The following NFIX variants were observed in gnomAD, a reference collection of about 807,000 sequenced individuals.
NFIX encodes the protein nuclear factor 1 X-type.
A neutral mutation model predicts 53.3 loss-of-function variants in NFIX; 2 were observed. The observed-to-expected ratio is 0.04, with a 90% CI of 0.02 to 0.12. The LOEUF is 0.12. NFIX is among the 10% of genes least tolerant of loss of function. NFIX has a pLI of 1.00. For missense variants in NFIX, 310 were observed against 674.5 expected, an observed-to-expected ratio of 0.46 and a Z score of 5.99; for synonymous variants, 244 against 289.0, an observed-to-expected ratio of 0.84 and a Z score of 1.58.
chr19:13,091,399 T>C (rs1012367925), intron 10 of NFIX, among the ~76,000 whole-genome samples: 654 of 44,732 alleles, frequency 0.015, no homozygotes, highest in Middle Eastern at 0.028. Flanking sequence ...TTTCCTTCCC[T>C]CAAAAAAAAA....
intron 2 of NFIX, among the ~76,000 whole-genome samples, chr19:13,044,591 A>C (rs10418716): frequency 0.11 from 15,958 of 151,904 alleles, 1,604 homozygotes; most frequent in African/African-American, 0.26. Context: ...CAGGTATGTA[A>C]CCCCTGGGCC....
At position 13,038,787 on chromosome 19, in the gene NFIX, CA is replaced by C. The variant is rs1568281935; in HGVS notation, c.559+13236del. Among the ~76,000 whole-genome samples, 5 of 152,264 alleles carry C rather than the reference CA, an allele frequency of 3.3e-5. No individual in the cohort carries two copies. In the South Asian group the frequency reaches 1.0e-3, roughly 32 times the overall value. ...TCGGACAGGGCCCACAGATGAAGGC[CA>C]GGATGGTGGTGGTGGCGCAGTGGTC... On this transcript the variant is annotated intron_variant, in intron 2 of 10. Coordinates refer to ENST00000592199, the MANE Select transcript of NFIX (RefSeq NM_001365902.3).
rs1055763856 is a variant in NFIX at position 13,082,030 on chromosome 19, G to A, written c.1254+175G>A. On this transcript the variant is annotated intron_variant, in intron 8 of 10. Transcript: ENST00000592199. Reference sequence around the variant, plus strand: ...TCTGGGTCTGGGGACGGGGGTCTGTGTATTATGCCAGGGCTTGTCTATCAT... The same window carrying A: ...TCTGGGTCTGGGGACGGGGGTCTGTATATTATGCCAGGGCTTGTCTATCAT... 4.4e-6 allele frequency: 3 copies of A among 681,756 alleles called. No homozygotes were observed. In the African/African-American group the frequency reaches 5.4e-5, roughly 12 times the overall value. The allele number at this position is 681,756 out of a possible 1,614,324, so 42.2% of individuals were successfully genotyped here.
Position 13,097,784 on chromosome 19 carries a change from G to GT in NFIX, c.*3135_*3136insT, listed in dbSNP as rs1009097358. 2 of 151,064 alleles carry GT rather than the reference G, an allele frequency of 1.3e-5. No individual in the cohort carries two copies. Among genetic ancestry groups the GT allele is most frequent in the Admixed American group, 1.3e-4 (2 of 15,160 alleles). 9.4% of individuals were successfully genotyped at this position (151,064 alleles called of 1,614,324 possible). The stretch of plus-strand genomic sequence containing the variant: ...TTGACCCTCACCAGCATTATCAGGA[G>GT]CGCGCTCAGCAAGTTGGTAGTTTCC... On this transcript the variant is annotated 3_prime_UTR_variant, in exon 11 of 11. Coordinates refer to ENST00000592199, the MANE Select transcript of NFIX (RefSeq NM_001365902.3).
intron 1 of NFIX, among the ~76,000 whole-genome samples, chr19:13,019,766 A>G (rs1404615709): frequency 2.0e-5 from 3 of 150,114 alleles, no homozygotes; most frequent in Non-Finnish European, 4.4e-5. Context: ...GTACTCAACA[A>G]TAAAAGACAG....
intron 2 of NFIX, among the ~76,000 whole-genome samples, chr19:13,039,421 C>G (rs2014459329): frequency 6.6e-6 from 1 of 152,180 alleles, no homozygotes. Context: ...GGCAAGGCCT[C>G]TTGAATTGTG....
Position 13,025,158 on chromosome 19 carries a change from G to A in NFIX, c.165G>A (p.Ala55=). 2 of 1,614,248 alleles carry A rather than the reference G, an allele frequency of 1.2e-6. No individual in the cohort carries two copies. The highest frequency in any genetic ancestry group is 1.7e-6 in the Non-Finnish European group (2 of 1,180,054). ...EKRMSKDEER[A]VKDELLGEKP... ...GGATGTCGAAGGACGAGGAGCGGGC[G>A]GTGAAGGACGAGCTGCTGGGCGAGA... The change falls in exon 2 of 11, where the codon GCG becomes GCA. Residue 55 remains alanine (A), a synonymous_variant. Coordinates refer to ENST00000592199, the MANE Select transcript of NFIX (RefSeq NM_001365902.3). This position sits in a 1 kb window ranked among gnomAD's most constrained non-coding sequence, Gnocchi z 7.5.
intron 1 of NFIX, among the ~76,000 whole-genome samples, chr19:13,016,321 G>C (rs1599724048): frequency 6.6e-6 from 1 of 152,194 alleles, no homozygotes; most frequent in East Asian, 1.9e-4. Context: ...AAAGCTAGCA[G>C]GCATGTGGTC....
At position 13,022,530 on chromosome 19, in the gene NFIX, G is replaced by A. The variant is rs1897575089; in HGVS notation, c.28-2491G>A. On this transcript the variant is annotated intron_variant, in intron 1 of 10. Coordinates refer to ENST00000592199, the MANE Select transcript of NFIX (RefSeq NM_001365902.3). The surrounding 1 kb of genome is among the most constrained non-coding windows in gnomAD (Gnocchi z 4.5). The stretch of plus-strand genomic sequence containing the variant: ...TCTTCTTATTTCTATTCATAGCACC[G>A]CAGGCCCGTGTGTATGTGGCCGGGG... Among the ~76,000 whole-genome samples the A allele has an allele frequency of 6.6e-6, 1 of 151,928 alleles. No individual in the cohort carries two copies. Among genetic ancestry groups the A allele is most frequent in the Admixed American group, 6.5e-5 (1 of 15,268 alleles).
rs1475881225 is a variant in NFIX at position 13,097,174 on chromosome 19, T to G, written c.*2525T>G. On this transcript the variant is annotated 3_prime_UTR_variant, in exon 11 of 11. Transcript: ENST00000592199. Reference sequence around the variant, plus strand: ...AAAGCTGAGTGTTTTTCCCTTTTTTTTGTTCGTTTTTAGTTTTTTTTTTTT... The same window carrying G: ...AAAGCTGAGTGTTTTTCCCTTTTTTGTGTTCGTTTTTAGTTTTTTTTTTTT... 1.3e-5 allele frequency: 2 copies of G among 150,782 alleles called. No individual in the cohort carries two copies. The highest frequency in any genetic ancestry group is 3.0e-5 in the Non-Finnish European group (2 of 67,794). The allele number at this position is 150,782 out of a possible 1,614,324, so 9.3% of individuals were successfully genotyped here. A position where few individuals can be genotyped will look rare whatever the true frequency, so the allele number is the denominator to read the frequency against.
At chr19:13,041,678 C>G (rs2145269475) in intron 2 of NFIX, among the ~76,000 whole-genome samples, 1 of 151,936 alleles carries the variant, frequency 6.6e-6, no homozygotes, top group Non-Finnish European at 1.5e-5. Context: ...CCTGTAATCT[C>G]AGCTGCTCAG....
chr19:13,030,164 G>A (rs1056044278), intron 2 of NFIX, among the ~76,000 whole-genome samples: 5 of 152,212 alleles, frequency 3.3e-5, no homozygotes, highest in African/African-American at 7.2e-5. Context: ...GACAAAGATC[G>A]CAGGGCCCTG....
At chr19:13,064,345 T>G (rs552292025) in intron 2 of NFIX, among the ~76,000 whole-genome samples, 1 of 152,216 alleles carries the variant, frequency 6.6e-6, no homozygotes, top group African/African-American at 2.4e-5. Flanking sequence ...GTGCTCCTGG[T>G]TTTCTCAGCT....
rs991892576 is a variant in NFIX at position 13,068,744 on chromosome 19, C to G, written c.560-4303C>G. On this transcript the variant is annotated intron_variant, in intron 2 of 10. Coordinates refer to ENST00000592199, the MANE Select transcript of NFIX (RefSeq NM_001365902.3). This position sits in a 1 kb window ranked among gnomAD's most constrained non-coding sequence, Gnocchi z 4.2. ...TTATTGCCTGCTCCTTCGTAGCCCT[C>G]CCTTCCAGAAGCCTGCAAAGTGGCC... Among the ~76,000 whole-genome samples the G allele has an allele frequency of 2.0e-5, 3 of 152,262 alleles. No homozygotes were observed. The highest frequency in any genetic ancestry group is 4.4e-5 in the Non-Finnish European group (3 of 68,046).
intron 2 of NFIX, among the ~76,000 whole-genome samples, chr19:13,042,336 A>C (rs562427253): frequency 1.3e-5 from 2 of 151,448 alleles, no homozygotes; most frequent in African/African-American, 4.9e-5. Flanking sequence ...ACTGAAAAAT[A>C]AAAACATGCT....
rs577489524 is a variant in NFIX, at chr19:13,062,777, T to C, written c.560-10270T>C. On this transcript the variant is annotated intron_variant, in intron 2 of 10. Coordinates refer to ENST00000592199, the MANE Select transcript of NFIX (RefSeq NM_001365902.3). ...TGTCCATGAGCCCAGGGTCAGTCCC[T>C]GCTCCACCAAGGCAAGTCTCTGGGT... Among the ~76,000 whole-genome samples, 9 of 152,356 alleles carry C rather than the reference T, an allele frequency of 5.9e-5. No homozygotes were observed. In the South Asian group the frequency reaches 1.9e-3, roughly 32 times the overall value.
intron 8 of NFIX, chr19:13,082,118 A>C: frequency 2.0e-6 from 1 of 490,560 alleles, no homozygotes; most frequent in Non-Finnish European, 3.6e-6. Flanking sequence ...TGCCTTTCCC[A>C]TGGTCCTTGC....
In NFIX at chr19:13,093,234, A is replaced by G. The variant is rs1379404138; in HGVS notation, c.1495-1401A>G. ...TGAGAACATTTCCATTGTCACAGAAAGTGCTAGATGATCTCCAAGGCCCTT... is the reference window on the plus strand; with the variant it reads ...TGAGAACATTTCCATTGTCACAGAAGGTGCTAGATGATCTCCAAGGCCCTT... On this transcript the variant is annotated intron_variant, in intron 10 of 10. Transcript: ENST00000592199. This position sits in a 1 kb window ranked among gnomAD's most constrained non-coding sequence, Gnocchi z 4.7. Among the ~76,000 whole-genome samples the G allele has an allele frequency of 2.0e-5, 3 of 152,242 alleles. No individual in the cohort carries two copies. Among genetic ancestry groups the G allele is most frequent in the Admixed American group, 6.5e-5 (1 of 15,286 alleles).
chr19:13,078,075 C>T lies in NFIX; in HGVS notation c.956-538C>T, dbSNP rs546403224. Among the ~76,000 whole-genome samples the T allele has an allele frequency of 3.3e-5, 5 of 152,312 alleles. No homozygotes were observed. The highest frequency in any genetic ancestry group is 7.2e-5 in the African/African-American group (3 of 41,578). ...CCTCTGGCCTCTGTCCCTGCTCTCT[C>T]GCTGGGCATTGTGTCCCTCCTGAGG... On this transcript the variant is annotated intron_variant, in intron 6 of 10. Transcript: ENST00000592199. This position sits in a 1 kb window ranked among gnomAD's most constrained non-coding sequence, Gnocchi z 4.7.
Sources: gnomAD v4.1 joint callset for allele counts (sites outside exome capture counted in the v4.1 genomes callset) on GRCh38, gnomAD v4.1.1 for gene constraint, Gnocchi (gnomAD v3.1) non-coding constraint, MANE v1.5 for transcripts, NCBI Gene and HGNC (gene_info 2026-07-23, HGNC 2026-07-21) for gene names.